CHST8: variants seen among roughly 807,000 people sequenced by gnomAD.
CHST8 encodes the protein carbohydrate sulfotransferase 8.
A neutral mutation model predicts 15.0 loss-of-function variants in CHST8; 10 were observed. That is an observed-to-expected ratio of 0.67 (90% CI 0.41 to 1.13). CHST8 has a LOEUF of 1.13. CHST8 is among the 50% of genes most tolerant of loss of function. CHST8 has a pLI of 0.00. For synonymous variants in CHST8, 259 were observed against 256.6 expected (o/e 1.01, Z -0.09); for missense variants, 634 against 608.2 (o/e 1.04, Z -0.45).
rs1255660568 is a variant in CHST8 at position 33,689,200 on chromosome 19, G to A, written c.-62G>A. 23 of 1,469,894 alleles carry A rather than the reference G, an allele frequency of 1.6e-5. No individual in the cohort carries two copies. In the East Asian group the frequency reaches 2.6e-4, roughly 16 times the overall value. The allele number at this position is 1,469,894 out of a possible 1,614,324, so 91.1% of individuals were successfully genotyped here. The stretch of plus-strand genomic sequence containing the variant: ...GATCTCGGCCTGATGGACGCCTGGT[G>A]TGGACGATGAGGGAAGAACGTGCCC... On this transcript the variant is annotated 5_prime_UTR_variant, in exon 3 of 5. In the 5' UTR this introduces an upstream ATG that the reference lacks. Transcript: ENST00000650847.
intron 1 of CHST8, among the ~76,000 whole-genome samples, chr19:33,630,482 A>G (rs2145435513): frequency 6.6e-6 from 1 of 151,540 alleles, no homozygotes; most frequent in African/African-American, 2.4e-5. Flanking sequence ...TGGGGCAGGC[A>G]GTCCGCCTAC....
chr19:33,629,926 C>T (rs1055956159), intron 1 of CHST8, among the ~76,000 whole-genome samples: 1 of 152,270 alleles, frequency 6.6e-6, no homozygotes, highest in Non-Finnish European at 1.5e-5. Flanking sequence ...CCACTGTGGA[C>T]CCCTGGACAT....
intron 3 of CHST8, among the ~76,000 whole-genome samples, chr19:33,709,038 CTAA>C (rs1973499896): frequency 6.6e-6 from 1 of 152,084 alleles, no homozygotes; most frequent in East Asian, 1.9e-4. Context: ...TCATTCATTG[CTAA>C]TATATAGAAA....
At chr19:33,642,995 TC>T (rs1972303458) in intron 1 of CHST8, among the ~76,000 whole-genome samples, 1 of 152,224 alleles carries the variant, frequency 6.6e-6, no homozygotes, top group South Asian at 2.1e-4. Context: ...TAGAACCGGT[TC>T]CTTGTTGGAC....
chr19:33,665,849 C>T (rs1487041267), intron 1 of CHST8, among the ~76,000 whole-genome samples: 1 of 152,162 alleles, frequency 6.6e-6, no homozygotes, highest in African/African-American at 2.4e-5. Flanking sequence ...GGAAAGTGAT[C>T]AGGGCCCCAG....
intron 2 of CHST8, among the ~76,000 whole-genome samples, chr19:33,676,039 T>A (rs1356556209): frequency 1.3e-4 from 20 of 152,060 alleles, no homozygotes; most frequent in Non-Finnish European, 2.2e-4. Context: ...TGCCTCCTCT[T>A]TCATTGTAGG....
At chr19:33,626,783 C>CTTTTTT (rs373066494) in intron 1 of CHST8, among the ~76,000 whole-genome samples, 3 of 133,480 alleles carry the variant, frequency 2.2e-5, no homozygotes, top group Non-Finnish European at 3.1e-5. Flanking sequence ...TTTTTTTTTC[C>CTTTTTT]TTTTTTTTTT....
At chr19:33,728,015 C>T (rs759542103) in intron 3 of CHST8, among the ~76,000 whole-genome samples, 1 of 152,278 alleles carries the variant, frequency 6.6e-6, no homozygotes, top group Non-Finnish European at 1.5e-5. Flanking sequence ...GTAAGCAGAG[C>T]CTGGGGGCTC....
At chr19:33,714,247 A>C (rs1055348341) in intron 3 of CHST8, among the ~76,000 whole-genome samples, 1 of 152,184 alleles carries the variant, frequency 6.6e-6, no homozygotes, top group Non-Finnish European at 1.5e-5. Context: ...CTTGGAATCA[A>C]CCTAAATGTC....
At chr19:33,659,118 T>C (rs1317708859) in intron 1 of CHST8, among the ~76,000 whole-genome samples, 1 of 130,848 alleles carries the variant, frequency 7.6e-6, no homozygotes, top group Non-Finnish European at 1.5e-5. Flanking sequence ...CAGGCTGGAG[T>C]GCAGTGGCAC....
intron 3 of CHST8, among the ~76,000 whole-genome samples, chr19:33,739,546 A>G (rs1974147443): frequency 6.6e-6 from 1 of 152,130 alleles, no homozygotes; most frequent in South Asian, 2.1e-4. Flanking sequence ...TAAGTCACTT[A>G]TTTACTTTTT....
chr19:33,692,221 G>A (rs1247153001), intron 3 of CHST8, among the ~76,000 whole-genome samples: 2 of 152,196 alleles, frequency 1.3e-5, no homozygotes, highest in Admixed American at 6.5e-5. Context: ...TATCCGATGC[G>A]AAGATGAAGT....
chr19:33,629,365 T>A (rs899111924), intron 1 of CHST8, among the ~76,000 whole-genome samples: 3 of 152,236 alleles, frequency 2.0e-5, no homozygotes, highest in Non-Finnish European at 2.9e-5. Flanking sequence ...TCCTCTCTTA[T>A]ACCCTTTTCT....
At chr19:33,752,259 A>T (rs1413748159) in intron 3 of CHST8, among the ~76,000 whole-genome samples, 1 of 151,812 alleles carries the variant, frequency 6.6e-6, no homozygotes, top group Non-Finnish European at 1.5e-5. Context: ...AGAGGAATTC[A>T]CTCCCACAGG....
intron 3 of CHST8, among the ~76,000 whole-genome samples, chr19:33,767,897 T>C (rs559949716): frequency 6.6e-6 from 1 of 152,140 alleles, no homozygotes. Flanking sequence ...TACGTTTTAT[T>C]TGGGGGCTTG....
At chr19:33,697,809 G>A (rs987533908) in intron 3 of CHST8, among the ~76,000 whole-genome samples, 2 of 152,164 alleles carry the variant, frequency 1.3e-5, no homozygotes, top group African/African-American at 2.4e-5. Flanking sequence ...AATGCGGCAC[G>A]TGGAGAACTT....
intron 3 of CHST8, among the ~76,000 whole-genome samples, chr19:33,716,519 A>G (rs1029405320): frequency 1.5e-4 from 23 of 152,128 alleles, no homozygotes; most frequent in African/African-American, 5.1e-4. Flanking sequence ...GGTGTGTGCC[A>G]CCATGCCTGG....
chr19:33,735,964 G>A (rs1445334486), intron 3 of CHST8, among the ~76,000 whole-genome samples: 3 of 152,218 alleles, frequency 2.0e-5, no homozygotes, highest in African/African-American at 7.2e-5. Flanking sequence ...CCCGCCACCT[G>A]GCAATGTCCT....
intron 3 of CHST8, among the ~76,000 whole-genome samples, chr19:33,719,095 G>C (rs937188368): frequency 6.6e-6 from 1 of 152,146 alleles, no homozygotes; most frequent in Non-Finnish European, 1.5e-5. Flanking sequence ...TCATAGGTGT[G>C]ACACTGCAGC....
Sources: allele counts gnomAD v4.1 joint callset (sites outside exome capture counted in the v4.1 genomes callset), GRCh38; gene constraint gnomAD v4.1.1; transcripts MANE v1.5; gene names NCBI Gene and HGNC (gene_info 2026-07-23, HGNC 2026-07-21).